STARD13: variants seen among roughly 807,000 people sequenced by gnomAD.
STARD13 encodes the protein StAR related lipid transfer domain containing 13.
STARD13 carries 62 observed loss-of-function variants against 106.4 expected under a neutral mutation model. The observed-to-expected ratio is 0.58, with a 90% CI of 0.48 to 0.72. The LOEUF is 0.72. Ranked by LOEUF, STARD13 falls within the 30% of genes least tolerant of loss-of-function variation. The pLI, the probability that STARD13 is intolerant of heterozygous loss-of-function variation, is 0.00. For missense variants in STARD13, 1,387 were observed against 1,424.0 expected (o/e 0.97, Z 0.42); for synonymous variants, 565 against 553.0 (o/e 1.02, Z -0.31).
At chr13:33,127,597 C>T (rs558836823) in intron 5 of STARD13, 51 bp from the exon 6 acceptor site, 12 of 1,483,762 alleles carry the variant, frequency 8.1e-6, no homozygotes, top group Admixed American at 5.1e-5. Flanking sequence ...GACTTGGTAG[C>T]GGGAAACACG....
the STARD13 span, among the ~76,000 whole-genome samples, chr13:33,528,226 G>GTGTATATATATATATATATATA: frequency 9.9e-6 from 1 of 101,024 alleles, no homozygotes. Flanking sequence ...GTGTGTGTGT[G>GTGTATATATATATATATATATA]TATATATATA....
intron 1 of STARD13, among the ~76,000 whole-genome samples, chr13:33,322,953 C>T (rs1010470311): frequency 3.3e-5 from 5 of 152,212 alleles, no homozygotes; most frequent in Non-Finnish European, 7.3e-5. Flanking sequence ...TTTAAAAACA[C>T]TCTTTTTTCT....
the STARD13 span, among the ~76,000 whole-genome samples, chr13:33,613,905 G>A: frequency 6.6e-6 from 1 of 152,148 alleles, no homozygotes; most frequent in African/African-American, 2.4e-5. Context: ...CTCAACCCAG[G>A]CAGCAACAGT....
chr13:33,503,013 G>C, the STARD13 span, among the ~76,000 whole-genome samples: 1 of 152,256 alleles, frequency 6.6e-6, no homozygotes, highest in Non-Finnish European at 1.5e-5. Context: ...GTCTGGTCTT[G>C]ACTTTTTTTG....
At chr13:33,376,699 G>A in the STARD13 span, among the ~76,000 whole-genome samples, 232 of 152,260 alleles carry the variant, frequency 1.5e-3, 1 homozygote, top group Middle Eastern at 6.8e-3. Context: ...ATGGAAGGAT[G>A]AAGCTTTGGG....
At chr13:33,511,348 G>T in the STARD13 span, 7 of 151,792 alleles carry the variant, frequency 4.6e-5, no homozygotes, top group African/African-American at 1.7e-4. Context: ...TGCAGTCCAA[G>T]ATATATTTAT....
At chr13:33,638,736 G>A in the STARD13 span, among the ~76,000 whole-genome samples, 18 of 152,282 alleles carry the variant, frequency 1.2e-4, no homozygotes, top group Admixed American at 3.9e-4. Flanking sequence ...TGTCTGACCC[G>A]CACTTCGCAG....
intron 5 of STARD13, 33 bp downstream of exon 5, chr13:33,128,896 T>C: frequency 6.4e-7 from 1 of 1,561,086 alleles, no homozygotes; most frequent in Non-Finnish European, 8.6e-7. Context: ...ATGAAATGGA[T>C]GAAAAATCAT....
chr13:33,628,148 A>AACACACACACACAC, the STARD13 span, among the ~76,000 whole-genome samples: 7 of 133,398 alleles, frequency 5.2e-5, no homozygotes, highest in Non-Finnish European at 7.8e-5. Context: ...TCTCTTGTAA[A>AACACACACACACAC]ACACACACAC....
chr13:33,353,202 T>A (rs2078095866), upstream of STARD13, among the ~76,000 whole-genome samples: 1 of 152,118 alleles, frequency 6.6e-6, no homozygotes, highest in Non-Finnish European at 1.5e-5. Context: ...ACAGCAGCCA[T>A]CCTAAAGCCC....
At chr13:33,247,407 G>C (rs1006837451) in intron 1 of STARD13, among the ~76,000 whole-genome samples, 1 of 152,072 alleles carries the variant, frequency 6.6e-6, no homozygotes. Flanking sequence ...TCAGATGATG[G>C]ACAAGCAGAC....
chr13:33,155,028 CTCT>C (rs1164353706), intron 3 of STARD13, among the ~76,000 whole-genome samples: 1 of 152,108 alleles, frequency 6.6e-6, no homozygotes, highest in Non-Finnish European at 1.5e-5. Context: ...CCGGCATCCA[CTCT>C]TAGTCCTCTC....
At chr13:33,340,976 A>G (rs976071702) in intron 1 of STARD13, among the ~76,000 whole-genome samples, 4 of 152,230 alleles carry the variant, frequency 2.6e-5, no homozygotes, top group Non-Finnish European at 5.9e-5. Context: ...TCATGGCTCA[A>G]TAAATACTTA....
chr13:33,168,931 T>G lies in STARD13; in HGVS notation c.170-1309A>C, dbSNP rs529300870. 6.6e-5 allele frequency among the ~76,000 whole-genome samples: 10 copies of G among 152,326 alleles called. No individual in the cohort carries two copies. In the South Asian group the frequency reaches 2.1e-3, roughly 32 times the overall value. ...CTGGTTAAATCTAGATTGAACTTTGTCATTAAATCCAAGGAAACAGAGCCT... is the reference window on the plus strand; with the variant it reads ...CTGGTTAAATCTAGATTGAACTTTGGCATTAAATCCAAGGAAACAGAGCCT... On this transcript the variant is annotated intron_variant, in intron 1 of 13. Coordinates refer to ENST00000336934, the MANE Select transcript of STARD13 (RefSeq NM_178006.4).
At chr13:33,207,409 C>T (rs1887481158) in intron 1 of STARD13, among the ~76,000 whole-genome samples, 1 of 152,140 alleles carries the variant, frequency 6.6e-6, no homozygotes, top group Non-Finnish European at 1.5e-5. Context: ...ATGAATGAGA[C>T]TTTGAACTAG....
chr13:33,412,911 T>A, the STARD13 span, among the ~76,000 whole-genome samples: 1 of 152,048 alleles, frequency 6.6e-6, no homozygotes, highest in African/African-American at 2.4e-5. Context: ...GGACAGAAAA[T>A]ACACATGGAT....
chr13:33,194,814 T>C (rs1338639708), intron 1 of STARD13, among the ~76,000 whole-genome samples: 1 of 152,256 alleles, frequency 6.6e-6, no homozygotes, highest in Non-Finnish European at 1.5e-5. Context: ...AGATTATATA[T>C]GCTGTTAGTC....
intron 1 of STARD13, among the ~76,000 whole-genome samples, chr13:33,292,038 C>G (rs1361612575): frequency 6.6e-6 from 1 of 152,018 alleles, no homozygotes; most frequent in Non-Finnish European, 1.5e-5. Flanking sequence ...ACCCCTACCC[C>G]AATATTATAA....
At chr13:33,220,793 C>T (rs928000276) in intron 1 of STARD13, among the ~76,000 whole-genome samples, 6 of 152,184 alleles carry the variant, frequency 3.9e-5, no homozygotes, top group Admixed American at 1.3e-4. Context: ...TAATGGATTA[C>T]ACTATGTCAT....
Sources: gnomAD v4.1 joint callset for allele counts (sites outside exome capture counted in the v4.1 genomes callset) on GRCh38, gnomAD v4.1.1 for gene constraint, MANE v1.5 for transcripts, NCBI Gene and HGNC (gene_info 2026-07-23, HGNC 2026-07-21) for gene names.